The following ZBTB7C variants were observed in gnomAD, a reference collection of about 807,000 sequenced individuals.
The protein encoded by ZBTB7C is zinc finger and BTB domain containing 7C.
In ZBTB7C, 8 loss-of-function variants were observed where a neutral mutation model predicts 25.7. The observed-to-expected ratio is 0.31, with a 90% CI of 0.18 to 0.56. The LOEUF is 0.56. Among genes scored for constraint, ZBTB7C ranks in the 20% least tolerant of loss-of-function variants. The pLI is 0.91. For synonymous variants in ZBTB7C, 394 were observed against 369.0 expected (o/e 1.07, Z -0.78); for missense variants, 824 against 855.2 (o/e 0.96, Z 0.46).
intron 4 of ZBTB7C, among the ~76,000 whole-genome samples, chr18:48,034,528 T>TCCCAGCACTCCTCCC (rs1364194878): frequency 6.6e-6 from 1 of 151,936 alleles, no homozygotes; most frequent in East Asian, 1.9e-4. Context: ...GCCCTCCTCC[T>TCCCAGCACTCCTCCC]CCCAGCACTC....
chr18:48,127,747 T>C (rs1267352740), intron 3 of ZBTB7C, among the ~76,000 whole-genome samples: 6 of 152,242 alleles, frequency 3.9e-5, no homozygotes, highest in Admixed American at 2.6e-4. Context: ...AGTTCACCAC[T>C]GTGTTATTGG....
upstream of ZBTB7C, among the ~76,000 whole-genome samples, chr18:48,411,555 G>A (rs1348741088): frequency 1.3e-5 from 2 of 152,218 alleles, no homozygotes; most frequent in Non-Finnish European, 2.9e-5. Context: ...ATATGGCCCC[G>A]CTTCTAAGCC....
chr18:48,394,579 G>A (rs1347900003), intron 1 of ZBTB7C, among the ~76,000 whole-genome samples: 1 of 152,208 alleles, frequency 6.6e-6, no homozygotes, highest in East Asian at 1.9e-4. Flanking sequence ...AACGAAGTCT[G>A]GGAAGTAGGC....
At chr18:48,259,116 A>G (rs1268863735) in intron 2 of ZBTB7C, among the ~76,000 whole-genome samples, 2 of 151,976 alleles carry the variant, frequency 1.3e-5, no homozygotes, top group African/African-American at 4.8e-5. Context: ...CACCCGGCTA[A>G]TTTTTGTATT....
chr18:48,388,649 C>T (rs941511995), intron 1 of ZBTB7C, among the ~76,000 whole-genome samples: 6 of 152,020 alleles, frequency 3.9e-5, no homozygotes, highest in African/African-American at 7.3e-5. Flanking sequence ...CTTGGGAGGC[C>T]GAAGCAGGAG....
At chr18:48,233,368 C>A (rs1324774451) in intron 2 of ZBTB7C, among the ~76,000 whole-genome samples, 1 of 152,070 alleles carries the variant, frequency 6.6e-6, no homozygotes, top group African/African-American at 2.4e-5. Flanking sequence ...TATAATGTAT[C>A]CAGTCTCTGG....
intron 3 of ZBTB7C, among the ~76,000 whole-genome samples, chr18:48,127,699 C>T (rs1344186303): frequency 1.3e-5 from 2 of 152,174 alleles, no homozygotes; most frequent in African/African-American, 4.8e-5. Context: ...TGGGGTTGGC[C>T]GACGCTCAGC....
At chr18:48,181,986 C>T (rs1044818088) in intron 3 of ZBTB7C, among the ~76,000 whole-genome samples, 4 of 152,188 alleles carry the variant, frequency 2.6e-5, no homozygotes, top group Admixed American at 1.3e-4. Context: ...ATAATCCAAA[C>T]CAGGCCAGGA....
At chr18:48,315,791 A>G (rs2045933839) in intron 2 of ZBTB7C, among the ~76,000 whole-genome samples, 1 of 152,208 alleles carries the variant, frequency 6.6e-6, no homozygotes, top group Non-Finnish European at 1.5e-5. Context: ...GGACCTGTCC[A>G]GCTCTGATAC....
chr18:48,312,994 C>G (rs2045859062), intron 2 of ZBTB7C, among the ~76,000 whole-genome samples: 1 of 152,212 alleles, frequency 6.6e-6, no homozygotes, highest in Admixed American at 6.5e-5. Flanking sequence ...TTCCTATTGT[C>G]ATCAACTCAT....
chr18:48,241,363 A>T (rs191014644), intron 2 of ZBTB7C, among the ~76,000 whole-genome samples: 8 of 152,312 alleles, frequency 5.3e-5, no homozygotes, highest in Non-Finnish European at 8.8e-5. Flanking sequence ...GACTTAACAG[A>T]TATTTACAGA....
chr18:48,300,536 G>GT (rs879523959), intron 2 of ZBTB7C, among the ~76,000 whole-genome samples: 1 of 152,042 alleles, frequency 6.6e-6, no homozygotes, highest in Admixed American at 6.6e-5. Flanking sequence ...CAGCCAGGTC[G>GT]TTTTTTTACT....
Position 48,113,023 on chromosome 18 carries a change from A to G in ZBTB7C, c.-16-71900T>C, listed in dbSNP as rs35369974. ...ACCAGGCCCAACACATATGGTGTGGAGAACCCAACTTTGATTACCTATCAC... is the reference window on the plus strand; with the variant it reads ...ACCAGGCCCAACACATATGGTGTGGGGAACCCAACTTTGATTACCTATCAC... On this transcript the variant is annotated intron_variant, in intron 3 of 4. Coordinates refer to ENST00000590800, the MANE Select transcript of ZBTB7C (RefSeq NM_001318841.2). 2.9e-3 allele frequency among the ~76,000 whole-genome samples: 445 copies of G among 152,370 alleles called. 3 individuals are homozygous for G. Among genetic ancestry groups the G allele is most frequent in the Non-Finnish European group, 4.9e-3 (333 of 68,034 alleles).
intron 3 of ZBTB7C, among the ~76,000 whole-genome samples, chr18:48,053,714 T>C (rs1048281758): frequency 6.6e-6 from 1 of 152,136 alleles, no homozygotes; most frequent in African/African-American, 2.4e-5. Flanking sequence ...TTTAGCTAAG[T>C]GCTGGAGAAA....
At chr18:48,098,141 AGG>A (rs2038705744) in intron 3 of ZBTB7C, among the ~76,000 whole-genome samples, 2 of 152,132 alleles carry the variant, frequency 1.3e-5, no homozygotes, top group Admixed American at 1.3e-4. Context: ...GAGTACAATA[AGG>A]AGAACATGAG....
At chr18:48,348,143 C>T (rs1313467889) in intron 1 of ZBTB7C, among the ~76,000 whole-genome samples, 1 of 152,250 alleles carries the variant, frequency 6.6e-6, no homozygotes, top group Admixed American at 6.5e-5. Context: ...GAGTTGGCAC[C>T]TACTTCCACT....
At chr18:48,344,355 T>G (rs1305232669) in intron 1 of ZBTB7C, among the ~76,000 whole-genome samples, 1 of 152,236 alleles carries the variant, frequency 6.6e-6, no homozygotes, top group Admixed American at 6.5e-5. Context: ...CTTGTCACAA[T>G]GCAGGTGCTG....
intron 2 of ZBTB7C, among the ~76,000 whole-genome samples, chr18:48,301,044 G>A (rs1345516541): frequency 6.6e-6 from 1 of 152,234 alleles, no homozygotes; most frequent in Non-Finnish European, 1.5e-5. Flanking sequence ...TGTGAGTGAG[G>A]AATGCCATTA....
chr18:48,029,108 G>C lies in ZBTB7C; in HGVS notation c.*152C>G. ...AAGGAGGCAGCTGCTTTAGGAGCCC[G>C]GGAAAATGCCATCACTGATAGTATT... is the stretch of plus-strand genomic sequence containing the variant. On this transcript the variant is annotated 3_prime_UTR_variant, in exon 5 of 5. Coordinates refer to ENST00000590800, the MANE Select transcript of ZBTB7C (RefSeq NM_001318841.2). 8.6e-7 allele frequency: 1 copy of C among 1,164,958 alleles called. No individual in the cohort carries two copies. The highest frequency in any genetic ancestry group is 1.1e-6 in the Non-Finnish European group (1 of 875,344). The allele number at this position is 1,164,958 out of a possible 1,614,324, so 72.2% of individuals were successfully genotyped here.
Sources: gnomAD v4.1 joint callset for allele counts (sites outside exome capture counted in the v4.1 genomes callset) on GRCh38, gnomAD v4.1.1 for gene constraint, MANE v1.5 for transcripts, NCBI Gene and HGNC (gene_info 2026-07-23, HGNC 2026-07-21) for gene names.